Variants in ENOX1 observed in about 807,000 individuals in gnomAD.
ENOX1 encodes candidate growth-related and time keeping constitutive hydroquinone (NADH) oxidase.
ENOX1 carries 42 observed loss-of-function variants against 82.5 expected under a neutral mutation model. That is an observed-to-expected ratio of 0.51 (90% CI 0.40 to 0.66). ENOX1 has a LOEUF of 0.66. Among genes scored for constraint, ENOX1 ranks in the 30% least tolerant of loss-of-function variants. ENOX1 has a pLI of 0.00. For synonymous variants in ENOX1, 271 were observed against 282.2 expected (o/e 0.96, Z 0.40); for missense variants, 608 against 811.6 (o/e 0.75, Z 3.05).
intron 11 of ENOX1, among the ~76,000 whole-genome samples, chr13:43,315,949 G>C (rs2047454961): frequency 6.6e-6 from 1 of 152,166 alleles, no homozygotes; most frequent in Admixed American, 6.5e-5. Flanking sequence ...AGGGCACTTT[G>C]GGCTGCACAC....
At chr13:43,579,793 A>T (rs1314891495) in intron 2 of ENOX1, among the ~76,000 whole-genome samples, 1 of 152,234 alleles carries the variant, frequency 6.6e-6, no homozygotes, top group Non-Finnish European at 1.5e-5. Context: ...AAACAAAAAC[A>T]CTACAATTCT....
At chr13:43,648,867 C>T (rs567232940) in intron 2 of ENOX1, among the ~76,000 whole-genome samples, 1 of 152,242 alleles carries the variant, frequency 6.6e-6, no homozygotes, top group Non-Finnish European at 1.5e-5. Flanking sequence ...TGGTTAGACT[C>T]CCTGTGACGG....
At chr13:43,746,412 G>A (rs760325714) in intron 1 of ENOX1, among the ~76,000 whole-genome samples, 2 of 152,082 alleles carry the variant, frequency 1.3e-5, no homozygotes, top group Non-Finnish European at 2.9e-5. Flanking sequence ...TGGTAACGAG[G>A]GTTAAAATTT....
At chr13:43,754,101 T>TATAAATAC in intron 1 of ENOX1, among the ~76,000 whole-genome samples, 4 of 145,712 alleles carry the variant, frequency 2.7e-5, no homozygotes, top group South Asian at 4.2e-4. Flanking sequence ...TATATATGTA[T>TATAAATAC]ACGTATATGT....
chr13:43,369,525 C>T (rs2051075013), intron 5 of ENOX1, among the ~76,000 whole-genome samples: 1 of 152,192 alleles, frequency 6.6e-6, no homozygotes, highest in Admixed American at 6.5e-5. Flanking sequence ...TTGGCAGTCC[C>T]ATCACAAAGT....
At chr13:43,591,444 T>G (rs1347864313) in intron 2 of ENOX1, among the ~76,000 whole-genome samples, 1 of 152,016 alleles carries the variant, frequency 6.6e-6, no homozygotes, top group African/African-American at 2.4e-5. Flanking sequence ...TGTCTACAGA[T>G]CACACATGTA....
At chr13:43,316,774 GA>G (rs759779624) in intron 11 of ENOX1, among the ~76,000 whole-genome samples, 41,263 of 135,012 alleles carry the variant, frequency 0.31, 6,500 homozygotes, top group Middle Eastern at 0.47. Context: ...AAGATTAAAA[GA>G]AAAAAAAAAA....
At chr13:43,222,850 TTTC>T (rs2041859522) in intron 16 of ENOX1, among the ~76,000 whole-genome samples, 1 of 152,180 alleles carries the variant, frequency 6.6e-6, no homozygotes, top group African/African-American at 2.4e-5. Context: ...ATGCTTTCTC[TTTC>T]TTACCTGTGC....
At chr13:43,469,061 G>T (rs1180884197) in intron 3 of ENOX1, among the ~76,000 whole-genome samples, 1 of 152,090 alleles carries the variant, frequency 6.6e-6, no homozygotes, top group African/African-American at 2.4e-5. Flanking sequence ...ATCTTAGGTG[G>T]AAAACTTTCA....
intron 14 of ENOX1, among the ~76,000 whole-genome samples, chr13:43,250,979 GA>G (rs1220938164): frequency 1.3e-5 from 2 of 152,172 alleles, no homozygotes; most frequent in Non-Finnish European, 2.9e-5. Flanking sequence ...CATTATCTGG[GA>G]GCTTACTAGA....
chr13:43,690,494 C>T (rs892930123), intron 1 of ENOX1, among the ~76,000 whole-genome samples: 16 of 152,142 alleles, frequency 1.1e-4, no homozygotes, highest in African/African-American at 3.9e-4. Flanking sequence ...AGTTCAGTAG[C>T]ACAAATCATA....
At chr13:43,668,290 G>A (rs2153789261) in intron 1 of ENOX1, among the ~76,000 whole-genome samples, 1 of 152,274 alleles carries the variant, frequency 6.6e-6, no homozygotes, top group African/African-American at 2.4e-5. Flanking sequence ...ATTAAAGTCT[G>A]AGAAGCATGG....
At chr13:43,219,874 C>T (rs1167087887) in intron 16 of ENOX1, among the ~76,000 whole-genome samples, 5 of 152,226 alleles carry the variant, frequency 3.3e-5, no homozygotes, top group Admixed American at 6.5e-5. Context: ...ACTGAAAAGA[C>T]GCCGGCAGAG....
intron 5 of ENOX1, among the ~76,000 whole-genome samples, chr13:43,391,993 G>A (rs1398787095): frequency 6.6e-6 from 1 of 152,104 alleles, no homozygotes; most frequent in Non-Finnish European, 1.5e-5. Flanking sequence ...CCACCAAGCT[G>A]GTTGTCCAGG....
At chr13:43,655,406 C>A (rs1044722880) in intron 2 of ENOX1, among the ~76,000 whole-genome samples, 1 of 152,030 alleles carries the variant, frequency 6.6e-6, no homozygotes, top group Non-Finnish European at 1.5e-5. Flanking sequence ...GGCAGCAATC[C>A]AGCCTTGACT....
At chr13:43,698,501 G>T (rs1353883410) in intron 1 of ENOX1, among the ~76,000 whole-genome samples, 1 of 152,132 alleles carries the variant, frequency 6.6e-6, no homozygotes, top group Non-Finnish European at 1.5e-5. Flanking sequence ...TATAAAAATA[G>T]ACTGTGAGCT....
intron 5 of ENOX1, 44 bp downstream of exon 5, chr13:43,411,871 CT>C: frequency 6.2e-7 from 1 of 1,611,696 alleles, no homozygotes; most frequent in Non-Finnish European, 8.5e-7. Flanking sequence ...CACCTACACC[CT>C]TCGGCACTGC....
intron 9 of ENOX1, among the ~76,000 whole-genome samples, chr13:43,330,496 A>G: frequency 6.6e-6 from 1 of 152,222 alleles, no homozygotes; most frequent in African/African-American, 2.4e-5. Context: ...ATTTTCCCAA[A>G]TCTTCTATTA....
chr13:43,310,778 T>C (rs1206420610), intron 11 of ENOX1, among the ~76,000 whole-genome samples: 1 of 152,064 alleles, frequency 6.6e-6, no homozygotes, highest in Non-Finnish European at 1.5e-5. Context: ...TTGCAAAAAT[T>C]GCAACCTAGT....
Sources: gnomAD v4.1 joint callset for allele counts (sites outside exome capture counted in the v4.1 genomes callset) on GRCh38, gnomAD v4.1.1 for gene constraint, MANE v1.5 for transcripts, NCBI Gene and HGNC (gene_info 2026-07-23, HGNC 2026-07-21) for gene names.